The following C2CD2 variants were observed in gnomAD, a reference collection of about 807,000 sequenced individuals.
The protein encoded by C2CD2 is C2 calcium dependent domain containing 2.
Under a neutral mutation model 74.3 loss-of-function variants are expected in C2CD2, and 43 were observed. The ratio of observed to expected loss-of-function variants is 0.58; its 90% CI spans 0.45 to 0.75. C2CD2 has a LOEUF of 0.75. Among genes scored for constraint, C2CD2 ranks in the 30% least tolerant of loss-of-function variants. The pLI is 0.00. For missense variants in C2CD2, 801 were observed against 916.3 expected (o/e 0.87, Z 1.63); for synonymous variants, 422 against 390.7 (o/e 1.08, Z -0.94).
chr21:41,887,656 A>G lies in C2CD2; in HGVS notation c.*1468T>C, dbSNP rs1037290543. ...TTTTTACTAAAAAAGAAAAAATCCT[A>G]TAATTTTGGTTTTTATATAGGTTTT... On this transcript the variant is annotated 3_prime_UTR_variant, in exon 14 of 14. Transcript: ENST00000380486. The G allele has an allele frequency of 2.0e-5, 3 of 152,192 alleles. No individual in the cohort carries two copies. Among genetic ancestry groups the G allele is most frequent in the African/African-American group, 7.2e-5 (3 of 41,462 alleles). 9.4% of individuals were successfully genotyped at this position (152,192 alleles called of 1,614,324 possible). A position where few individuals can be genotyped will look rare whatever the true frequency, so the allele number is the denominator to read the frequency against.
At chr21:41,925,938 A>G (rs2065206402) in intron 2 of C2CD2, among the ~76,000 whole-genome samples, 1 of 152,224 alleles carries the variant, frequency 6.6e-6, no homozygotes, top group African/African-American at 2.4e-5. Context: ...GCCTCTTCTT[A>G]GCTTTCCAAG....
chr21:41,917,195 C>G (rs1194621076), intron 5 of C2CD2, among the ~76,000 whole-genome samples: 2 of 152,208 alleles, frequency 1.3e-5, no homozygotes, highest in Non-Finnish European at 2.9e-5. Flanking sequence ...TAGCAGCAAA[C>G]ACTGCCATCA....
chr21:41,937,980 A>G (rs1312417901), intron 2 of C2CD2, among the ~76,000 whole-genome samples: 1 of 152,192 alleles, frequency 6.6e-6, no homozygotes, highest in Non-Finnish European at 1.5e-5. Flanking sequence ...GGTATTGGTT[A>G]AAGGATACCA....
intron 1 of C2CD2, among the ~76,000 whole-genome samples, chr21:41,949,625 C>T (rs1008920434): frequency 3.9e-5 from 6 of 152,206 alleles, no homozygotes; most frequent in East Asian, 1.9e-4. Context: ...TTTGACCCAG[C>T]GATCCCATTA....
At chr21:41,934,000 TAAC>T (rs1237513589) in intron 2 of C2CD2, among the ~76,000 whole-genome samples, 2 of 152,136 alleles carry the variant, frequency 1.3e-5, no homozygotes, top group Non-Finnish European at 2.9e-5. Context: ...AGAACACTGT[TAAC>T]AGCAGCCTCA....
intron 2 of C2CD2, among the ~76,000 whole-genome samples, chr21:41,940,363 C>T (rs116630456): frequency 0.021 from 3,133 of 152,212 alleles, 113 homozygotes; most frequent in African/African-American, 0.071. Context: ...AAGCTTGTTG[C>T]AAAAGTGTAC....
rs574231975 is a variant in C2CD2, at chr21:41,892,940, C to T, written c.1871-3596G>A. On this transcript the variant is annotated intron_variant, in intron 13 of 13. Coordinates refer to ENST00000380486, the MANE Select transcript of C2CD2 (RefSeq NM_015500.2). This position sits in a 1 kb window ranked among gnomAD's most constrained non-coding sequence, Gnocchi z 4.6. Reference sequence around the variant, plus strand: ...AGGGCCCGGTGCCACGCCAGAGACGCGCGGTGCGCCCAGGTTAAGAGGGAA... The same window carrying T: ...AGGGCCCGGTGCCACGCCAGAGACGTGCGGTGCGCCCAGGTTAAGAGGGAA... Among the ~76,000 whole-genome samples the T allele has an allele frequency of 3.9e-5, 6 of 152,348 alleles. No individual in the cohort carries two copies. In the South Asian group the frequency reaches 8.3e-4, roughly 21 times the overall value.
intron 5 of C2CD2, among the ~76,000 whole-genome samples, chr21:41,917,249 C>A (rs1018051483): frequency 6.6e-6 from 1 of 152,218 alleles, no homozygotes; most frequent in Non-Finnish European, 1.5e-5. Context: ...ACTCTACCTA[C>A]TGACAGCTGG....
rs1218899366 is a variant in C2CD2 at position 41,886,204 on chromosome 21, C to A, written c.*2920G>T. 1 of 152,138 alleles carries A rather than the reference C, an allele frequency of 6.6e-6. No individual in the cohort carries two copies. Among genetic ancestry groups the A allele is most frequent in the Non-Finnish European group, 1.5e-5 (1 of 68,036 alleles). 9.4% of individuals were successfully genotyped at this position (152,138 alleles called of 1,614,324 possible). On this transcript the variant is annotated 3_prime_UTR_variant, in exon 14 of 14. Transcript: ENST00000380486. The stretch of plus-strand genomic sequence containing the variant: ...TTCATGAGGAATTGTTTTTAAAACA[C>A]AACTGGGCAAAACTTTCATCCAGAC...
chr21:41,901,438 T>C (rs1056334391), intron 12 of C2CD2, 184 bp downstream of exon 12: 3 of 682,676 alleles, frequency 4.4e-6, no homozygotes, highest in Non-Finnish European at 7.9e-6. Flanking sequence ...GTGAATAGGA[T>C]AAACTGTGTA....
intron 1 of C2CD2, among the ~76,000 whole-genome samples, chr21:41,948,868 A>ATATTTTT: frequency 3.2e-5 from 1 of 31,076 alleles, no homozygotes; most frequent in Non-Finnish European, 1.2e-4. Context: ...TCCACACAGC[A>ATATTTTT]TCTTTTTTTT....
chr21:41,897,837 T>C (rs2064842039), intron 13 of C2CD2, among the ~76,000 whole-genome samples: 1 of 152,062 alleles, frequency 6.6e-6, no homozygotes, highest in African/African-American at 2.4e-5. Context: ...CCAGGGACAT[T>C]TGGGACCAGA....
chr21:41,915,411 G>GT (rs1267379186), intron 5 of C2CD2, among the ~76,000 whole-genome samples: 4 of 151,008 alleles, frequency 2.6e-5, no homozygotes, highest in Middle Eastern at 6.9e-3. Flanking sequence ...CCCAAACCGG[G>GT]TTCCACCTGT....
intron 6 of C2CD2, among the ~76,000 whole-genome samples, chr21:41,913,010 C>T (rs573297079): frequency 3.9e-5 from 6 of 152,332 alleles, no homozygotes; most frequent in East Asian, 1.9e-4. Context: ...TCGCCCCCTC[C>T]GTCAGTGCTG....
chr21:41,933,349 G>A (rs560928245), intron 2 of C2CD2, among the ~76,000 whole-genome samples: 39 of 152,148 alleles, frequency 2.6e-4, no homozygotes, highest in African/African-American at 9.2e-4. Flanking sequence ...TGGAGACCAT[G>A]GGGGTGTGTG....
At chr21:41,912,490 TTTA>T (rs1569066753) in intron 6 of C2CD2, 50 bp from the exon 7 acceptor site, 12 of 856,962 alleles carry the variant, frequency 1.4e-5, no homozygotes, top group East Asian at 6.4e-5. Flanking sequence ...TTATTATTTA[TTTA>T]TTTTTTTTTT....
At chr21:41,900,205 C>T (rs1273927507) in intron 12 of C2CD2, among the ~76,000 whole-genome samples, 1 of 152,122 alleles carries the variant, frequency 6.6e-6, no homozygotes, top group South Asian at 2.1e-4. Context: ...ACCTGGGAGG[C>T]GGAGCTTGCA....
In C2CD2 at chr21:41,901,894, TTGG is replaced by T; in HGVS notation, c.1433-148_1433-146del. On this transcript the variant is annotated intron_variant, in intron 11 of 13. Transcript: ENST00000380486. Reference sequence around the variant, plus strand: ...CAAAGGGTCAATTGTTTAGGCTTTGTTGGTGGTCTCTGCAACAACTTCTCAATG... The same window carrying T: ...CAAAGGGTCAATTGTTTAGGCTTTGTTGGTCTCTGCAACAACTTCTCAATG... 4 of 711,868 alleles carry T rather than the reference TTGG, an allele frequency of 5.6e-6. No individual in the cohort carries two copies. In the South Asian group the frequency reaches 7.1e-5, roughly 13 times the overall value. The allele number at this position is 711,868 out of a possible 1,614,324, so 44.1% of individuals were successfully genotyped here.
intron 11 of C2CD2, among the ~76,000 whole-genome samples, chr21:41,904,235 C>T (rs1433493344): frequency 6.6e-6 from 1 of 152,210 alleles, no homozygotes; most frequent in Non-Finnish European, 1.5e-5. Flanking sequence ...CCCACCAGCA[C>T]CATGACAGTT....
Sources: gnomAD v4.1 joint callset for allele counts (sites outside exome capture counted in the v4.1 genomes callset) on GRCh38, gnomAD v4.1.1 for gene constraint, Gnocchi (gnomAD v3.1) non-coding constraint, MANE v1.5 for transcripts, NCBI Gene and HGNC (gene_info 2026-07-23, HGNC 2026-07-21) for gene names.